The following NDST3 variants were observed in gnomAD, a reference collection of about 807,000 sequenced individuals.
The protein encoded by NDST3 is N-deacetylase and N-sulfotransferase 3.
In NDST3, 58 loss-of-function variants were observed where a neutral mutation model predicts 96.1. The ratio of observed to expected loss-of-function variants is 0.60; its 90% CI spans 0.49 to 0.75. The LOEUF (loss-of-function observed/expected upper bound fraction) is 0.75. NDST3 is among the 30% of genes least tolerant of loss of function. The pLI is 0.00. For missense variants in NDST3, 788 were observed against 1,034.2 expected (o/e 0.76, Z 3.27); for synonymous variants, 333 against 359.7 (o/e 0.93, Z 0.84).
At chr4:118,124,122 AC>A (rs1731839667) in intron 4 of NDST3, among the ~76,000 whole-genome samples, 1 of 152,110 alleles carries the variant, frequency 6.6e-6, no homozygotes. Flanking sequence ...TTTATGGTAC[AC>A]CAGAGGTATT....
chr4:118,048,931 C>T (rs567540390), intron 1 of NDST3, among the ~76,000 whole-genome samples: 2 of 152,236 alleles, frequency 1.3e-5, no homozygotes, highest in African/African-American at 4.8e-5. Flanking sequence ...ACATATTTTT[C>T]ATCTGCACAT....
chr4:118,043,511 T>TA (rs754816389), intron 1 of NDST3, among the ~76,000 whole-genome samples: 2 of 152,206 alleles, frequency 1.3e-5, no homozygotes, highest in Non-Finnish European at 2.9e-5. Context: ...CCACTGGTCT[T>TA]ACCAAGTTTG....
chr4:118,205,507 T>A (rs1449377323), intron 6 of NDST3, among the ~76,000 whole-genome samples: 2 of 144,772 alleles, frequency 1.4e-5, no homozygotes, highest in Non-Finnish European at 3.1e-5. Context: ...TATAGGACAG[T>A]TGTATCTACA....
chr4:118,089,383 T>C (rs1484712719), intron 2 of NDST3, among the ~76,000 whole-genome samples: 1 of 151,916 alleles, frequency 6.6e-6, no homozygotes, highest in African/African-American at 2.4e-5. Flanking sequence ...ATACATGTTA[T>C]CCTGGACTTC....
intron 12 of NDST3, among the ~76,000 whole-genome samples, chr4:118,244,876 A>C (rs1239572425): frequency 6.6e-6 from 1 of 152,170 alleles, no homozygotes. Context: ...ATGGGTGTTA[A>C]ATGACATATT....
At position 118,105,038 on chromosome 4, in the gene NDST3, T is replaced by C. The variant is rs1730057721; in HGVS notation, c.1002T>C (p.Asn334=). The change falls in exon 3 of 14, where the codon AAT becomes AAC. Residue 334 remains asparagine, a synonymous_variant. Transcript: ENST00000296499. ...TTCAGGCCCTGCTTGATACTCAGAATCTTTTGCGTGCACAAATCACAAATT... is the reference window on the plus strand; with the variant it reads ...TTCAGGCCCTGCTTGATACTCAGAACCTTTTGCGTGCACAAATCACAAATT... ...NDVKALLDTQ[N]LLRAQITNFT... 6.2e-7 allele frequency: 1 copy of C among 1,613,356 alleles called. No individual in the cohort carries two copies. The highest frequency in any genetic ancestry group is 1.3e-5 in the African/African-American group (1 of 74,912).
rs750650307 is a variant in NDST3, at chr4:118,143,525, C to CTTTTCCTTACTTTTTTCAT, written c.1411-22_1411-4dup. 1.9e-6 allele frequency: 3 copies of CTTTTCCTTACTTTTTTCAT among 1,577,486 alleles called. No homozygotes were observed. In the Admixed American group the frequency reaches 6.0e-5, roughly 31 times the overall value. ...AACAAATTGATTGGAAAAAAAAAAG[C>CTTTTCCTTACTTTTTTCAT]TTTTCCTTACTTTTTTCATTTTTCC... On this transcript the variant is annotated intron_variant, in intron 5 of 13. Coordinates refer to ENST00000296499, the MANE Select transcript of NDST3 (RefSeq NM_004784.3).
intron 11 of NDST3, among the ~76,000 whole-genome samples, chr4:118,241,446 G>T (rs1313000765): frequency 1.3e-5 from 2 of 152,064 alleles, no homozygotes; most frequent in African/African-American, 4.8e-5. Context: ...CAGGCTTTGT[G>T]GCCTTTAATC....
chr4:118,154,514 C>T (rs574208922), intron 6 of NDST3, among the ~76,000 whole-genome samples: 1 of 152,142 alleles, frequency 6.6e-6, no homozygotes, highest in African/African-American at 2.4e-5. Context: ...CTACATTTGG[C>T]AGAGTCTCTG....
At chr4:118,079,678 G>C (rs72903402) in intron 2 of NDST3, among the ~76,000 whole-genome samples, 1 of 152,060 alleles carries the variant, frequency 6.6e-6, no homozygotes, top group Non-Finnish European at 1.5e-5. Flanking sequence ...GATATCTTTG[G>C]CAAGGGAATA....
intron 11 of NDST3, among the ~76,000 whole-genome samples, 162 bp downstream of exon 11, chr4:118,240,856 C>T (rs1369988116): frequency 6.6e-6 from 1 of 152,134 alleles, no homozygotes; most frequent in African/African-American, 2.4e-5. Context: ...AGTAGAAAAA[C>T]TTTAATTTTC....
chr4:118,212,358 G>A (rs1738855151), intron 6 of NDST3, among the ~76,000 whole-genome samples: 1 of 152,044 alleles, frequency 6.6e-6, no homozygotes, highest in Non-Finnish European at 1.5e-5. Context: ...GAGCAACATG[G>A]CGAAACCCCA....
intron 6 of NDST3, chr4:118,193,799 C>T (rs1737477829): frequency 1.3e-6 from 2 of 1,487,666 alleles, no homozygotes; most frequent in Non-Finnish European, 1.8e-6. Flanking sequence ...TTTCAGATGA[C>T]ACATGGCCAG....
intron 12 of NDST3, among the ~76,000 whole-genome samples, chr4:118,247,750 A>G (rs1270875812): frequency 6.6e-6 from 1 of 152,214 alleles, no homozygotes; most frequent in East Asian, 1.9e-4. Context: ...ATATGTAAAT[A>G]ATACCTTAAA....
intron 6 of NDST3, among the ~76,000 whole-genome samples, chr4:118,212,847 AG>A (rs1381179846): frequency 1.3e-5 from 2 of 152,176 alleles, no homozygotes; most frequent in African/African-American, 4.8e-5. Flanking sequence ...TTTCAAGACA[AG>A]TCAAAATATC....
chr4:118,182,683 T>C (rs889230895), intron 6 of NDST3, among the ~76,000 whole-genome samples: 8 of 152,162 alleles, frequency 5.3e-5, no homozygotes. Flanking sequence ...TTTCCTAAAA[T>C]GGAACAGAGA....
At chr4:118,092,210 G>A (rs899956511) in intron 2 of NDST3, among the ~76,000 whole-genome samples, 1 of 136,568 alleles carries the variant, frequency 7.3e-6, no homozygotes, top group Admixed American at 8.3e-5. Flanking sequence ...TATCCCTAAG[G>A]TAGGTATTTT....
intron 6 of NDST3, chr4:118,194,133 A>T: frequency 9.6e-7 from 1 of 1,040,440 alleles, no homozygotes; most frequent in East Asian, 2.4e-5. Flanking sequence ...TACACAATGG[A>T]ATGTTCTCCT....
chr4:118,165,704 T>C (rs1424223486), intron 6 of NDST3, among the ~76,000 whole-genome samples: 1 of 151,876 alleles, frequency 6.6e-6, no homozygotes, highest in Non-Finnish European at 1.5e-5. Flanking sequence ...ATTGATATCA[T>C]ACCAAGTATC....
Sources: gnomAD v4.1 joint callset for allele counts (sites outside exome capture counted in the v4.1 genomes callset) on GRCh38, gnomAD v4.1.1 for gene constraint, MANE v1.5 for transcripts, NCBI Gene and HGNC (gene_info 2026-07-23, HGNC 2026-07-21) for gene names.